Variants in PLCB4 observed in about 807,000 individuals in gnomAD.
PLCB4 encodes the protein 1-phosphatidylinositol 4,5-bisphosphate phosphodiesterase beta-4.
A neutral mutation model predicts 178.8 loss-of-function variants in PLCB4; 77 were observed. The observed-to-expected ratio is 0.43, with a 90% CI of 0.36 to 0.52. PLCB4 has a LOEUF of 0.52. PLCB4 is among the 20% of genes least tolerant of loss of function. The pLI is 0.00. For missense variants in PLCB4, 1,024 were observed against 1,453.4 expected (o/e 0.70, Z 4.80); for synonymous variants, 496 against 490.8 (o/e 1.01, Z -0.14).
chr20:9,210,981 T>C (rs750208439), intron 2 of PLCB4, among the ~76,000 whole-genome samples: 2 of 152,174 alleles, frequency 1.3e-5, no homozygotes, highest in Non-Finnish European at 2.9e-5. Context: ...ATATAGAAAA[T>C]ATGACTGCAT....
chr20:9,223,930 A>T (rs930225851), intron 3 of PLCB4, among the ~76,000 whole-genome samples: 14 of 152,168 alleles, frequency 9.2e-5, no homozygotes, highest in Admixed American at 6.5e-5. Flanking sequence ...AGACAAAAGG[A>T]TGCTTCTGGA....
At chr20:9,083,394 CA>C (rs2090251935) in intron 1 of PLCB4, among the ~76,000 whole-genome samples, 2 of 152,194 alleles carry the variant, frequency 1.3e-5, no homozygotes, top group African/African-American at 4.8e-5. Flanking sequence ...CACACACACA[CA>C]CCGCAGGTGC....
At chr20:9,205,345 T>C (rs374274365) in intron 2 of PLCB4, among the ~76,000 whole-genome samples, 144 of 152,378 alleles carry the variant, frequency 9.5e-4, no homozygotes, top group African/African-American at 3.2e-3. Context: ...GTTAGGTATG[T>C]TAAATGTATT....
At chr20:9,076,243 G>T (rs902940493) in intron 1 of PLCB4, among the ~76,000 whole-genome samples, 6 of 152,050 alleles carry the variant, frequency 3.9e-5, no homozygotes, top group Non-Finnish European at 7.4e-5. Context: ...GAGGTAGGTG[G>T]GTCACTTGAA....
chr20:9,128,734 T>G (rs2092196743), intron 2 of PLCB4, among the ~76,000 whole-genome samples: 1 of 152,174 alleles, frequency 6.6e-6, no homozygotes, highest in African/African-American at 2.4e-5. Context: ...ATTAAGTACA[T>G]TCACAGAATT....
chr20:9,309,799 T>C (rs1601758229), intron 4 of PLCB4, among the ~76,000 whole-genome samples: 1 of 152,224 alleles, frequency 6.6e-6, no homozygotes, highest in Non-Finnish European at 1.5e-5. Context: ...TTTGAATCCT[T>C]CTTATTGCTT....
At chr20:9,383,139 C>G (rs1269536050) in intron 13 of PLCB4, among the ~76,000 whole-genome samples, 2 of 152,088 alleles carry the variant, frequency 1.3e-5, no homozygotes, top group Admixed American at 1.3e-4. Flanking sequence ...ACAGCCCAAA[C>G]TACCCGTTGT....
chr20:9,332,941 C>A (rs113084346), intron 4 of PLCB4, among the ~76,000 whole-genome samples: 5 of 152,300 alleles, frequency 3.3e-5, no homozygotes, highest in African/African-American at 9.6e-5. Context: ...TCACCCCCAA[C>A]CTCGAAGATG....
chr20:9,384,931 T>C (rs2148374554), intron 14 of PLCB4, among the ~76,000 whole-genome samples: 1 of 152,034 alleles, frequency 6.6e-6, no homozygotes, highest in East Asian at 1.9e-4. Context: ...AGGTCTCTGG[T>C]TTTCCTAGGC....
intron 2 of PLCB4, among the ~76,000 whole-genome samples, chr20:9,185,394 C>T (rs771933797): frequency 1.3e-5 from 2 of 152,144 alleles, no homozygotes; most frequent in African/African-American, 4.8e-5. Flanking sequence ...CTCTCTCTCA[C>T]ACTCACACGT....
rs757637485 is a variant in PLCB4 at position 9,459,625 on chromosome 20, T to G, written c.3073-10T>G. 6.3e-7 allele frequency: 1 copy of G among 1,586,934 alleles called. No individual in the cohort carries two copies. The highest frequency in any genetic ancestry group is 1.7e-5 in the Admixed American group (1 of 59,420). On this transcript the variant is annotated splice_polypyrimidine_tract_variant and intron_variant, in intron 34 of 39. Coordinates refer to ENST00000378473, the MANE Select transcript of PLCB4 (RefSeq NM_001377142.1). ...GATTACAATGGCACCGTCCCCTTTT[T>G]CCCAAACAGGTCAAAGAGATTGTAG...
At chr20:9,140,999 T>A (rs1049651186) in intron 2 of PLCB4, among the ~76,000 whole-genome samples, 1 of 152,088 alleles carries the variant, frequency 6.6e-6, no homozygotes, top group African/African-American at 2.4e-5. Context: ...CTGCCGCTCA[T>A]CCCCATTGGT....
chr20:9,210,244 C>G (rs1425590696), intron 2 of PLCB4, among the ~76,000 whole-genome samples: 1 of 152,052 alleles, frequency 6.6e-6, no homozygotes, highest in Non-Finnish European at 1.5e-5. Flanking sequence ...ATTGTAGAGC[C>G]AGTTGGCCAC....
intron 30 of PLCB4, among the ~76,000 whole-genome samples, chr20:9,441,413 T>C (rs1300225950): frequency 6.6e-6 from 1 of 152,146 alleles, no homozygotes; most frequent in Non-Finnish European, 1.5e-5. Flanking sequence ...TCCATTTCTT[T>C]CCAGAAAACT....
intron 13 of PLCB4, among the ~76,000 whole-genome samples, chr20:9,382,844 A>G (rs1181426633): frequency 6.6e-6 from 1 of 152,210 alleles, no homozygotes; most frequent in African/African-American, 2.4e-5. Context: ...TGTTTCTTCT[A>G]TCACTGCATC....
At chr20:9,430,117 A>T (rs377175220) in intron 28 of PLCB4, among the ~76,000 whole-genome samples, 2 of 152,188 alleles carry the variant, frequency 1.3e-5, no homozygotes, top group African/African-American at 4.8e-5. Flanking sequence ...AAGTTTGTGC[A>T]TAATTCTCAT....
At chr20:9,384,072 G>T (rs1409496987) in intron 13 of PLCB4, 129 bp from the exon 14 acceptor site, 4 of 679,904 alleles carry the variant, frequency 5.9e-6, no homozygotes, top group African/African-American at 5.4e-5. Flanking sequence ...ACAGATGAAA[G>T]TTCTTGGGAA....
intron 2 of PLCB4, among the ~76,000 whole-genome samples, chr20:9,109,519 A>G (rs1222766616): frequency 6.6e-6 from 1 of 151,858 alleles, no homozygotes; most frequent in Non-Finnish European, 1.5e-5. Flanking sequence ...GATTTAATAA[A>G]CCTTTCCCCT....
At chr20:9,455,731 G>T (rs2043017627) in intron 33 of PLCB4, among the ~76,000 whole-genome samples, 1 of 152,188 alleles carries the variant, frequency 6.6e-6, no homozygotes, top group African/African-American at 2.4e-5. Context: ...GTACTCTAAA[G>T]AGTAGAATCT....
Sources: gnomAD v4.1 joint callset for allele counts (sites outside exome capture counted in the v4.1 genomes callset) on GRCh38, gnomAD v4.1.1 for gene constraint, MANE v1.5 for transcripts, NCBI Gene and HGNC (gene_info 2026-07-23, HGNC 2026-07-21) for gene names.